Variants in EYA2 observed in about 807,000 individuals in gnomAD.
EYA2 encodes the protein EYA transcriptional coactivator and phosphatase 2, also known as protein phosphatase EYA2.
A neutral mutation model predicts 69.2 loss-of-function variants in EYA2; 31 were observed. The observed-to-expected ratio is 0.45, with a 90% CI of 0.34 to 0.60. EYA2 has a LOEUF of 0.60. Among genes scored for constraint, EYA2 ranks in the 20% least tolerant of loss-of-function variants. The pLI, the probability that EYA2 is intolerant of heterozygous loss-of-function variation, is 0.02. For missense variants in EYA2, 622 were observed against 701.2 expected, an observed-to-expected ratio of 0.89 and a Z score of 1.28; for synonymous variants, 257 against 279.4, an observed-to-expected ratio of 0.92 and a Z score of 0.80.
At position 46,990,089 on chromosome 20, in the gene EYA2, G is replaced by T; in HGVS notation, c.79G>T (p.Ala27Ser). 5.0e-6 allele frequency: 8 copies of T among 1,611,740 alleles called. No individual in the cohort carries two copies. The highest frequency in any genetic ancestry group is 5.9e-6 in the Non-Finnish European group (7 of 1,177,936). Residue 27 changes from alanine to serine, a missense_variant, in exon 2 of 16, where the codon GCT becomes TCT. Ala to Ser is a moderately conservative substitution (Grantham distance 99). Around this residue, in one of 2 missense-constraint regions of EYA2, gnomAD observed 365 missense variants for 349.7 expected, o/e 1.04. Coordinates refer to ENST00000327619, the MANE Select transcript of EYA2 (RefSeq NM_005244.5). ...TAAACTGAAGTTTAACCGTGCTGAC[G>T]CTGCTGTGTGGACTCTGAGTGACAG... ...LDKLKFNRAD[A>S]AVWTLSDRQG...
intron 1 of EYA2, among the ~76,000 whole-genome samples, chr20:46,896,617 A>T (rs1357143344): frequency 6.6e-6 from 1 of 152,226 alleles, no homozygotes; most frequent in East Asian, 1.9e-4. Flanking sequence ...TAATTTATAT[A>T]ACAAATAACA....
At chr20:47,111,224 TA>T (rs2032739986) in intron 9 of EYA2, among the ~76,000 whole-genome samples, 1 of 152,198 alleles carries the variant, frequency 6.6e-6, no homozygotes, top group South Asian at 2.1e-4. Flanking sequence ...AGAGGATTTT[TA>T]AAAGATCATT....
At chr20:46,923,243 G>A (rs1019226589) in intron 1 of EYA2, among the ~76,000 whole-genome samples, 4 of 152,274 alleles carry the variant, frequency 2.6e-5, no homozygotes, top group African/African-American at 9.6e-5. Flanking sequence ...GCAGACACCT[G>A]TAATACCAGC....
intron 5 of EYA2, among the ~76,000 whole-genome samples, chr20:47,052,928 G>A (rs1209480694): frequency 6.6e-6 from 1 of 152,134 alleles, no homozygotes; most frequent in African/African-American, 2.4e-5. Context: ...GTATAAGACT[G>A]AGACATGAAA....
intron 1 of EYA2, among the ~76,000 whole-genome samples, chr20:46,905,475 C>T (rs1239836234): frequency 6.6e-6 from 1 of 152,190 alleles, no homozygotes; most frequent in Non-Finnish European, 1.5e-5. Flanking sequence ...GGCCTTTTAC[C>T]CCACATTCCA....
At chr20:47,121,075 TTTGTTG>T (rs146530303) in intron 9 of EYA2, among the ~76,000 whole-genome samples, 3 of 151,548 alleles carry the variant, frequency 2.0e-5, no homozygotes, top group South Asian at 2.1e-4. Context: ...GGAATTCAAG[TTTGTTG>T]TTGTTGTTGT....
chr20:46,924,669 CAAAAAA>C (rs10568771), intron 1 of EYA2, among the ~76,000 whole-genome samples: 4 of 88,372 alleles, frequency 4.5e-5, no homozygotes, highest in South Asian at 3.4e-4. Flanking sequence ...GACTCCATCT[CAAAAAA>C]AAAAAAAAAA....
chr20:47,166,652 T>C (rs2034203594), intron 10 of EYA2, among the ~76,000 whole-genome samples: 2 of 151,808 alleles, frequency 1.3e-5, no homozygotes, highest in Admixed American at 1.3e-4. Flanking sequence ...TGGGAAAATG[T>C]GTAAGATCTT....
chr20:47,026,525 A>G (rs995044530), intron 5 of EYA2, among the ~76,000 whole-genome samples: 2 of 152,216 alleles, frequency 1.3e-5, no homozygotes, highest in African/African-American at 4.8e-5. Context: ...AAAAAAAAAG[A>G]AAACAAAATG....
intron 10 of EYA2, among the ~76,000 whole-genome samples, chr20:47,149,128 CTTTAA>C (rs1030494971): frequency 1.3e-5 from 2 of 151,732 alleles, no homozygotes; most frequent in Non-Finnish European, 2.9e-5. Context: ...GATGTCACAA[CTTTAA>C]TTTAAAATAC....
chr20:46,952,495 A>G (rs907228750), intron 1 of EYA2, among the ~76,000 whole-genome samples: 17 of 152,182 alleles, frequency 1.1e-4, no homozygotes, highest in African/African-American at 4.1e-4. Context: ...TCATTCAACA[A>G]GGATTTGTTG....
intron 7 of EYA2, among the ~76,000 whole-genome samples, chr20:47,083,043 A>G (rs2031776516): frequency 6.6e-6 from 1 of 152,140 alleles, no homozygotes; most frequent in Non-Finnish European, 1.5e-5. Context: ...AAAAATAAAA[A>G]TAACCCAGGC....
intron 1 of EYA2, among the ~76,000 whole-genome samples, chr20:46,927,298 A>G (rs1985457287): frequency 6.6e-6 from 1 of 152,194 alleles, no homozygotes; most frequent in African/African-American, 2.4e-5. Flanking sequence ...TGCTCAGTGG[A>G]CAGTGTGACA....
At chr20:47,033,138 C>T (rs1461621982) in intron 5 of EYA2, among the ~76,000 whole-genome samples, 5 of 152,172 alleles carry the variant, frequency 3.3e-5, no homozygotes, top group Non-Finnish European at 7.4e-5. Flanking sequence ...CAGGTGAGCC[C>T]TAGCCGGCTG....
At chr20:47,178,564 T>G (rs1438795761) in intron 12 of EYA2, among the ~76,000 whole-genome samples, 1 of 150,160 alleles carries the variant, frequency 6.7e-6, no homozygotes, top group Non-Finnish European at 1.5e-5. Context: ...CTGCTGGGGG[T>G]TTTGAACTTT....
intron 9 of EYA2, among the ~76,000 whole-genome samples, chr20:47,121,896 C>T (rs1435135935): frequency 6.6e-6 from 1 of 152,188 alleles, no homozygotes; most frequent in African/African-American, 2.4e-5. Context: ...TTCCCTGGCC[C>T]AGCCCTCAAA....
intron 10 of EYA2, among the ~76,000 whole-genome samples, chr20:47,160,643 A>G (rs900747126): frequency 1.3e-5 from 2 of 152,202 alleles, no homozygotes; most frequent in African/African-American, 2.4e-5. Flanking sequence ...TGCCTAGGCC[A>G]GTGTTGGGAA....
chr20:47,003,113 T>C (rs1001202870), intron 3 of EYA2, among the ~76,000 whole-genome samples: 28 of 152,104 alleles, frequency 1.8e-4, no homozygotes, highest in African/African-American at 6.5e-4. Flanking sequence ...GTTAGAAACA[T>C]GATAGTTGTG....
intron 2 of EYA2, chr20:46,998,132 G>T: frequency 6.0e-6 from 1 of 165,486 alleles, no homozygotes; most frequent in Non-Finnish European, 1.3e-5. Context: ...GCTGTGGCAA[G>T]GTCATTCCTG....
Sources: gnomAD v4.1 joint callset for allele counts (sites outside exome capture counted in the v4.1 genomes callset) on GRCh38, gnomAD v4.1.1 for gene constraint, gnomAD v4.1.1 regional missense constraint, MANE v1.5 for transcripts, NCBI Gene and HGNC (gene_info 2026-07-23, HGNC 2026-07-21) for gene names.